Variants in PFKFB2 observed in about 807,000 individuals in gnomAD.
The protein encoded by PFKFB2 is 6-phosphofructo-2-kinase/fructose-2,6-biphosphatase 2.
A neutral mutation model predicts 68.0 loss-of-function variants in PFKFB2; 53 were observed. The ratio of observed to expected loss-of-function variants is 0.78; its 90% CI spans 0.63 to 0.98. PFKFB2 has a LOEUF of 0.98. PFKFB2 is among the 50% of genes least tolerant of loss of function. The pLI is 0.00. For synonymous variants in PFKFB2, 222 were observed against 227.6 expected, an observed-to-expected ratio of 0.98 and a Z score of 0.22; for missense variants, 451 against 642.0, an observed-to-expected ratio of 0.70 and a Z score of 3.22.
In PFKFB2 at chr1:207,070,572, T is replaced by A; in HGVS notation, c.1222+163T>A. On this transcript the variant is annotated intron_variant, in intron 12 of 14. Coordinates refer to ENST00000367080, the MANE Select transcript of PFKFB2 (RefSeq NM_006212.2). This position sits in a 1 kb window ranked among gnomAD's most constrained non-coding sequence, Gnocchi z 4.2. Reference sequence around the variant, plus strand: ...CCCAGCAGCCACTGAGTCAATGACTTGCTGAGTTCACTCTGCTGCTACGAA... The same window carrying A: ...CCCAGCAGCCACTGAGTCAATGACTAGCTGAGTTCACTCTGCTGCTACGAA... 1.5e-6 allele frequency: 1 copy of A among 687,652 alleles called. No homozygotes were observed. The highest frequency in any genetic ancestry group is 2.4e-6 in the Non-Finnish European group (1 of 425,276). The allele number at this position is 687,652 out of a possible 1,614,324, so 42.6% of individuals were successfully genotyped here.
At chr1:207,080,702 GTTTT>G (rs34554658), downstream of PFKFB2, 1 of 149,236 alleles carries the variant, frequency 6.7e-6, no homozygotes, top group African/African-American at 2.6e-5. Flanking sequence ...ATGTTGTCAG[GTTTT>G]TTTTTGTTTG....
At position 207,072,560 on chromosome 1, in the gene PFKFB2, C is replaced by T. The variant is rs1683497313; in HGVS notation, c.*189C>T. The T allele has an allele frequency of 7.5e-6, 10 of 1,341,658 alleles. No individual in the cohort carries two copies. The African/African-American group carries it at 1.0e-4, about 14-fold the overall frequency. The allele number at this position is 1,341,658 out of a possible 1,614,324, so 83.1% of individuals were successfully genotyped here. Reference sequence around the variant, plus strand: ...TTATAGGACAACTTAAGCTGTTCTTCAGTTTGAAACATCTTTTCACCCAGG... The same window carrying T: ...TTATAGGACAACTTAAGCTGTTCTTTAGTTTGAAACATCTTTTCACCCAGG... On this transcript the variant is annotated 3_prime_UTR_variant, in exon 15 of 15. Transcript: ENST00000367080.
In PFKFB2 at chr1:207,070,653, G is replaced by A. The variant is rs1683438817; in HGVS notation, c.1222+244G>A. 1 of 461,530 alleles carries A rather than the reference G, an allele frequency of 2.2e-6. No individual in the cohort carries two copies. The highest frequency in any genetic ancestry group is 3.7e-5 in the Admixed American group (1 of 27,306). 28.6% of individuals were successfully genotyped at this position (461,530 alleles called of 1,614,324 possible). A position where few individuals can be genotyped will look rare whatever the true frequency, so the allele number is the denominator to read the frequency against. On this transcript the variant is annotated intron_variant, in intron 12 of 14. Coordinates refer to ENST00000367080, the MANE Select transcript of PFKFB2 (RefSeq NM_006212.2). The surrounding 1 kb of genome is among the most constrained non-coding windows in gnomAD (Gnocchi z 4.2). The stretch of plus-strand genomic sequence containing the variant: ...GCTCCTTGATCCTGCCTGGCTCAAG[G>A]GCCAGTGTCATGCTGACACTCCTGG...
chr1:207,061,181 A>T (rs537518810), intron 2 of PFKFB2, among the ~76,000 whole-genome samples: 2 of 88,290 alleles, frequency 2.3e-5, no homozygotes, highest in Non-Finnish European at 4.6e-5. Flanking sequence ...ATATATATAT[A>T]TATATATATA....
chr1:207,040,616 A>G (rs1305178271), intron 1 of PFKFB2, among the ~76,000 whole-genome samples: 1 of 152,198 alleles, frequency 6.6e-6, no homozygotes, highest in Non-Finnish European at 1.5e-5. Context: ...TCGTCTGGTA[A>G]ACATCCTCAA....
At position 207,065,118 on chromosome 1, in the gene PFKFB2, A is replaced by G; in HGVS notation, c.590A>G (p.Tyr197Cys). ...MEDFLKRIEC[Y>C]KVTYRPLDPD... is the part of the protein sequence containing the mutation. ...GACTTCCTGAAGAGAATTGAATGCT[A>G]CAAAGTTACCTACCGACCTCTTGAC... The change falls in exon 8 of 15, where the codon TAC becomes TGC. Residue 197 changes from tyrosine (Y) to cysteine (C), a missense_variant. Tyr to Cys is a radical substitution (Grantham distance 194). Coordinates refer to ENST00000367080, the MANE Select transcript of PFKFB2 (RefSeq NM_006212.2). The G allele has an allele frequency of 6.2e-7, 1 of 1,614,058 alleles. No homozygotes were observed. Among genetic ancestry groups the G allele is most frequent in the Non-Finnish European group, 8.5e-7 (1 of 1,179,954 alleles).
chr1:207,039,125 C>T (rs765659884), intron 1 of PFKFB2, among the ~76,000 whole-genome samples: 1 of 152,088 alleles, frequency 6.6e-6, no homozygotes, highest in African/African-American at 2.4e-5. Flanking sequence ...AAGGATGAAC[C>T]TAATGAGAGG....
At chr1:207,050,430 A>G (rs1682710102), upstream of PFKFB2, among the ~76,000 whole-genome samples, 1 of 152,216 alleles carries the variant, frequency 6.6e-6, no homozygotes, top group East Asian at 1.9e-4. Context: ...GATAGTTTCA[A>G]AGCCGACCAG....
rs140030854 is a variant in PFKFB2, at chr1:207,065,050, A to C, written c.522A>C (p.Ser174=). The change falls in exon 8 of 15, where the codon TCA becomes TCC. Residue 174 remains serine (S), a synonymous_variant. Coordinates refer to ENST00000367080, the MANE Select transcript of PFKFB2 (RefSeq NM_006212.2). ...TATGATTTCAGGAGGTTAAGGTATC[A>C]AGCCCTGACTATCCTGAAAGGAACA... is the stretch of plus-strand genomic sequence containing the variant. ...IAANILEVKV[S]SPDYPERNRE... is the part of the protein sequence containing the mutation. The C allele has an allele frequency of 9.4e-5, 151 of 1,613,874 alleles. No homozygotes were observed. The highest frequency in any genetic ancestry group is 1.2e-4 in the Non-Finnish European group (141 of 1,179,932).
At position 207,061,143 on chromosome 1, in the gene PFKFB2, T is replaced by TTA. The variant is rs1363472392; in HGVS notation, c.86-802_86-801dup. 4.3e-4 allele frequency among the ~76,000 whole-genome samples: 34 copies of TTA among 79,302 alleles called. 1 individual carries two copies. Among genetic ancestry groups the TTA allele is most frequent in the African/African-American group, 1.6e-3 (34 of 21,228 alleles). 52.0% of individuals were successfully genotyped at this position (79,302 alleles called of 152,430 possible). On this transcript the variant is annotated intron_variant, in intron 2 of 14. Transcript: ENST00000367080. ...TTTATATATATCTTTATATATATCT[T>TTA]TATATATATTTATATATATCTTTAT...
chr1:207,051,254 C>T (rs1027563698), upstream of PFKFB2, among the ~76,000 whole-genome samples: 9 of 152,068 alleles, frequency 5.9e-5, no homozygotes, highest in Non-Finnish European at 1.3e-4. Flanking sequence ...GAAAAGAGGG[C>T]GGGGGAAGGA....
Position 207,056,629 on chromosome 1 carries a change from C to T in PFKFB2, c.85+1827C>T, listed in dbSNP as rs1321647086. 2.0e-5 allele frequency among the ~76,000 whole-genome samples: 3 copies of T among 152,036 alleles called. No homozygotes were observed. The East Asian group carries it at 5.8e-4, about 29-fold the overall frequency. ...CAGTAATCCCTGGTTTCTTTCCTGT[C>T]TTCTAGACTCTAATTCCTGCTCTGG... On this transcript the variant is annotated intron_variant, in intron 2 of 14. Transcript: ENST00000367080.
At position 207,063,909 on chromosome 1, in the gene PFKFB2, G is replaced by A; in HGVS notation, c.507+80G>A. The A allele has an allele frequency of 9.8e-7, 1 of 1,022,030 alleles. No individual in the cohort carries two copies. The highest frequency in any genetic ancestry group is 1.6e-5 in the African/African-American group (1 of 63,844). 63.3% of individuals were successfully genotyped at this position (1,022,030 alleles called of 1,614,324 possible). ...GTGGGGTGTGTGTGTGTGTGTGTGT[G>A]TGTGTGTTGTTGGGGAGGGGTGTTT... On this transcript the variant is annotated intron_variant, in intron 7 of 14. Coordinates refer to ENST00000367080, the MANE Select transcript of PFKFB2 (RefSeq NM_006212.2). This position sits in a 1 kb window ranked among gnomAD's most constrained non-coding sequence, Gnocchi z 4.1.
chr1:207,040,956 T>TC (rs1288314624), intron 1 of PFKFB2, among the ~76,000 whole-genome samples: 1 of 133,810 alleles, frequency 7.5e-6, no homozygotes, highest in Non-Finnish European at 1.5e-5. Flanking sequence ...GAGACAAGAG[T>TC]CTCGCTCTGT....
chr1:207,035,345 C>T (rs1250305920), intron 1 of PFKFB2: 3 of 265,906 alleles, frequency 1.1e-5, no homozygotes, highest in Non-Finnish European at 1.7e-5. Context: ...ATACCTGAGA[C>T]CTAGTAATTT....
intron 2 of PFKFB2, chr1:207,043,736 G>C (rs532382973): frequency 6.6e-6 from 1 of 152,620 alleles, no homozygotes; most frequent in Admixed American, 6.5e-5. Context: ...GGTGATATTT[G>C]GCAGATTTTG....
intron 9 of PFKFB2, 68 bp from the exon 10 acceptor site, chr1:207,068,095 A>AGTGAGTGTGT: frequency 3.7e-6 from 4 of 1,093,572 alleles, no homozygotes; most frequent in Non-Finnish European, 5.2e-6. Context: ...GTGTGTGTTG[A>AGTGAGTGTGT]GTGTGTGTGT....
chr1:207,067,867 C>T (rs934612458), intron 9 of PFKFB2, among the ~76,000 whole-genome samples, 161 bp downstream of exon 9: 1 of 152,174 alleles, frequency 6.6e-6, no homozygotes, highest in Non-Finnish European at 1.5e-5. Flanking sequence ...CTGCGTCTAG[C>T]TCTGTGTTAA....
Position 207,062,658 on chromosome 1 carries a change from T to A in PFKFB2, c.250T>A (p.Ser84Thr). 1 of 1,614,116 alleles carries A rather than the reference T, an allele frequency of 6.2e-7. No homozygotes were observed. The highest frequency in any genetic ancestry group is 8.5e-7 in the Non-Finnish European group (1 of 1,180,004). ...GGTGTATCGGCGTGAAGCAGTCAAG[T>A]CCTATAAGTCCTACGACTTCTTTCG... is the stretch of plus-strand genomic sequence containing the variant. ...LGVYRREAVK[S>T]YKSYDFFRHD... Residue 84 changes from serine to threonine, a missense_variant, in exon 4 of 15, where the codon TCC (serine) becomes ACC (threonine). Physicochemically the swap from Ser to Thr is moderately conservative, Grantham distance 58 (BLOSUM62 1). Transcript: ENST00000367080.
Sources: gnomAD v4.1 joint callset for allele counts (sites outside exome capture counted in the v4.1 genomes callset) on GRCh38, gnomAD v4.1.1 for gene constraint, Gnocchi (gnomAD v3.1) non-coding constraint, MANE v1.5 for transcripts, NCBI Gene and HGNC (gene_info 2026-07-23, HGNC 2026-07-21) for gene names.